The following EPHX2 variants were observed in gnomAD, a reference collection of about 807,000 sequenced individuals.
EPHX2 encodes epoxide hydrolase 2.
EPHX2 carries 74 observed loss-of-function variants against 78.7 expected under a neutral mutation model. The ratio of observed to expected loss-of-function variants is 0.94; its 90% CI spans 0.78 to 1.14. The LOEUF (loss-of-function observed/expected upper bound fraction) is 1.14, where lower values mean the gene tolerates loss of function less well. EPHX2 is among the 50% of genes most tolerant of loss of function. The pLI, the probability that EPHX2 is intolerant of heterozygous loss-of-function variation, is 0.00. For synonymous variants in EPHX2, 251 were observed against 255.2 expected, an observed-to-expected ratio of 0.98 and a Z score of 0.16; for missense variants, 715 against 702.5, an observed-to-expected ratio of 1.02 and a Z score of -0.20.
intron 12 of EPHX2, among the ~76,000 whole-genome samples, chr8:27,525,984 A>G (rs1814832425): frequency 6.6e-6 from 1 of 152,236 alleles, no homozygotes; most frequent in Non-Finnish European, 1.5e-5. Flanking sequence ...CACTGAGAGC[A>G]GCATCAGGAG....
chr8:27,508,251 C>G (rs1049446673), intron 5 of EPHX2, among the ~76,000 whole-genome samples: 4 of 152,146 alleles, frequency 2.6e-5, no homozygotes, highest in Non-Finnish European at 4.4e-5. Context: ...TGCAATGATT[C>G]AAGATCGTGC....
chr8:27,540,783 C>G, intron 15 of EPHX2, 127 bp downstream of exon 15: 1 of 813,102 alleles, frequency 1.2e-6, no homozygotes, highest in Non-Finnish European at 2.0e-6. Context: ...AGGCCAGCCT[C>G]TGCTTCAATG....
rs551697548 is a variant in EPHX2, at chr8:27,532,029, G to A, written c.1171-4755G>A. Among the ~76,000 whole-genome samples, 3 of 152,218 alleles carry A rather than the reference G, an allele frequency of 2.0e-5. No homozygotes were observed. In the South Asian group the frequency reaches 6.2e-4, roughly 32 times the overall value. ...CTGGGGGCTCCTCTGACAGTGTGCT[G>A]AATACGCACATGGGAAGTAAATTGA... On this transcript the variant is annotated intron_variant, in intron 12 of 18. Coordinates refer to ENST00000521400, the MANE Select transcript of EPHX2 (RefSeq NM_001979.6).
At chr8:27,540,215 AG>A (rs1436095656) in intron 14 of EPHX2, among the ~76,000 whole-genome samples, 1 of 152,106 alleles carries the variant, frequency 6.6e-6, no homozygotes, top group East Asian at 1.9e-4. Context: ...GGTTTAGACG[AG>A]GGGAGAGCAG....
intron 1 of EPHX2, among the ~76,000 whole-genome samples, chr8:27,500,537 T>C (rs1166312372): frequency 1.3e-5 from 2 of 152,166 alleles, no homozygotes; most frequent in East Asian, 3.8e-4. Context: ...AAAAACATAT[T>C]CCATTCTTTT....
chr8:27,501,370 TTCTTCTTCTTCTTCTTC>T (rs1813779058), intron 2 of EPHX2, among the ~76,000 whole-genome samples: 2 of 120,832 alleles, frequency 1.7e-5, no homozygotes, highest in Non-Finnish European at 3.6e-5. Context: ...CTTCTTCTTC[TTCTTCTTCTTCTTCTTC>T]TTCTTCTTTC....
chr8:27,491,310 G>T lies in EPHX2; in HGVS notation c.101+1G>T. ...CGGAGGAGGCCCTGGCGCTGCCCAG[G>T]TAAGGGGGCCCAGCGCCGCCGCCGC... is the stretch of plus-strand genomic sequence containing the variant. On this transcript the variant is annotated splice_donor_variant, in intron 1 of 18. Coordinates refer to ENST00000521400, the MANE Select transcript of EPHX2 (RefSeq NM_001979.6). LOFTEE classifies it high-confidence loss of function. The T allele has an allele frequency of 6.6e-7, 1 of 1,514,530 alleles. No individual in the cohort carries two copies. The highest frequency in any genetic ancestry group is 1.4e-5 in the African/African-American group (1 of 69,440). 93.8% of individuals were successfully genotyped at this position (1,514,530 alleles called of 1,614,324 possible).
In EPHX2 at chr8:27,499,908, C is replaced by T. The variant is rs566583123; in HGVS notation, c.102-1018C>T. The stretch of plus-strand genomic sequence containing the variant: ...GTGTCCTAATCGCCTTATAAGGGCA[C>T]CAGTCCTATTGTTGGATTAGAGCCC... On this transcript the variant is annotated intron_variant, in intron 1 of 18. Coordinates refer to ENST00000521400, the MANE Select transcript of EPHX2 (RefSeq NM_001979.6). Among the ~76,000 whole-genome samples the T allele has an allele frequency of 2.0e-5, 3 of 152,240 alleles. No individual in the cohort carries two copies. The South Asian group carries it at 6.2e-4, about 32-fold the overall frequency.
chr8:27,529,321 G>A (rs1369297060), intron 12 of EPHX2, among the ~76,000 whole-genome samples: 1 of 152,232 alleles, frequency 6.6e-6, no homozygotes, highest in African/African-American at 2.4e-5. Flanking sequence ...AGACTAGGCA[G>A]CTCTGGCAGC....
chr8:27,516,559 C>T (rs1384312459), intron 8 of EPHX2, among the ~76,000 whole-genome samples, 161 bp downstream of exon 8: 2 of 152,000 alleles, frequency 1.3e-5, no homozygotes, highest in Non-Finnish European at 2.9e-5. Context: ...TGTGTCTCTG[C>T]ACTTTGGGCC....
chr8:27,508,147 T>C (rs1435954854), intron 5 of EPHX2, among the ~76,000 whole-genome samples: 2 of 151,986 alleles, frequency 1.3e-5, no homozygotes, highest in African/African-American at 4.8e-5. Context: ...ACTAAAAATA[T>C]AAAAACTTAG....
At chr8:27,530,396 C>G (rs1195815595) in intron 12 of EPHX2, among the ~76,000 whole-genome samples, 1 of 152,166 alleles carries the variant, frequency 6.6e-6, no homozygotes, top group African/African-American at 2.4e-5. Context: ...CTAATAGCTA[C>G]TACTAATAGT....
intron 11 of EPHX2, among the ~76,000 whole-genome samples, chr8:27,525,107 T>TGTGTGTGTGCGCGC (rs1491544464): frequency 2.9e-5 from 3 of 103,456 alleles, no homozygotes; most frequent in Non-Finnish European, 4.2e-5. Context: ...TGTGTGTGTG[T>TGTGTGTGTGCGCGC]GCGCGCGCGC....
chr8:27,541,510 T>C lies in EPHX2; in HGVS notation c.1417T>C (p.Trp473Arg). ...CTGGTACCGAAACATGGAAAGGAACTGGAAGTGGGCTTGCAAAAGCTTGGG... is the reference window on the plus strand; with the variant it reads ...CTGGTACCGAAACATGGAAAGGAACCGGAAGTGGGCTTGCAAAAGCTTGGG... ...LNWYRNMERN[W>R]KWACKSLGRK... Residue 473 changes from tryptophan (W) to arginine (R), a missense_variant, in exon 16 of 19, where the codon TGG becomes CGG. Coordinates refer to ENST00000521400, the MANE Select transcript of EPHX2 (RefSeq NM_001979.6). 1 of 1,614,218 alleles carries C rather than the reference T, an allele frequency of 6.2e-7. No homozygotes were observed. Among genetic ancestry groups the C allele is most frequent in the South Asian group, 1.1e-5 (1 of 91,086 alleles).
intron 6 of EPHX2, 66 bp from the exon 7 acceptor site, chr8:27,515,652 G>T: frequency 7.3e-7 from 1 of 1,361,924 alleles, no homozygotes; most frequent in Non-Finnish European, 1.0e-6. Context: ...TTCTGCAGAC[G>T]CTGTGGGGCC....
At chr8:27,503,815 G>A in intron 3 of EPHX2, 52 bp downstream of exon 3, 1 of 1,575,332 alleles carries the variant, frequency 6.3e-7, no homozygotes, top group Non-Finnish European at 8.6e-7. Flanking sequence ...GAACCCTCGG[G>A]AGCATTAGGT....
intron 10 of EPHX2, 25 bp downstream of exon 10, chr8:27,520,934 T>C (rs1814623211): frequency 6.2e-7 from 1 of 1,613,556 alleles, no homozygotes; most frequent in Non-Finnish European, 8.5e-7. Context: ...TGAACTGATA[T>C]CTTTGGAGAA....
At chr8:27,513,260 C>G (rs1016788911) in intron 6 of EPHX2, among the ~76,000 whole-genome samples, 1 of 152,130 alleles carries the variant, frequency 6.6e-6, no homozygotes, top group Non-Finnish European at 1.5e-5. Flanking sequence ...TACTGCTCAG[C>G]GCCACTGACA....
intron 12 of EPHX2, among the ~76,000 whole-genome samples, chr8:27,534,937 A>G (rs1585219264): frequency 6.6e-6 from 1 of 152,194 alleles, no homozygotes; most frequent in East Asian, 1.9e-4. Flanking sequence ...TTGAAGGCCA[A>G]ACTAATAGAA....
Sources: allele counts gnomAD v4.1 joint callset (sites outside exome capture counted in the v4.1 genomes callset), GRCh38; gene constraint gnomAD v4.1.1; transcripts MANE v1.5; gene names NCBI Gene and HGNC (gene_info 2026-07-23, HGNC 2026-07-21).